SPAG5: variants seen among roughly 807,000 people sequenced by gnomAD.
The protein encoded by SPAG5 is sperm associated antigen 5.
SPAG5 carries 99 observed loss-of-function variants against 145.4 expected under a neutral mutation model. The ratio of observed to expected loss-of-function variants is 0.68; its 90% CI spans 0.58 to 0.80. The LOEUF (loss-of-function observed/expected upper bound fraction) is 0.80. SPAG5 is among the 30% of genes least tolerant of loss of function. The pLI is 0.00. For missense variants in SPAG5, 1,192 were observed against 1,416.0 expected (o/e 0.84, Z 2.54); for synonymous variants, 477 against 525.4 (o/e 0.91, Z 1.26).
chr17:28,587,265 G>T (rs1407961800), intron 4 of SPAG5, among the ~76,000 whole-genome samples: 1 of 139,504 alleles, frequency 7.2e-6, no homozygotes, highest in East Asian at 2.0e-4. Flanking sequence ...AAAAAAAAAA[G>T]GCTGGGCGCG....
In SPAG5 at chr17:28,598,986, T is replaced by C; in HGVS notation, c.-40A>G. ...CAGGCCTATCACGTCTCAGACCAAG[T>C]CGAGGACGCCATGTTCACCCGCCGT... On this transcript the variant is annotated 5_prime_UTR_variant, in exon 1 of 24. Transcript: ENST00000321765. The C allele has an allele frequency of 6.2e-7, 1 of 1,600,808 alleles. No individual in the cohort carries two copies. Among genetic ancestry groups the C allele is most frequent in the South Asian group, 1.1e-5 (1 of 90,832 alleles).
chr17:28,583,719 A>C, intron 14 of SPAG5, 70 bp from the exon 15 acceptor site: 2 of 1,548,400 alleles, frequency 1.3e-6, no homozygotes, highest in Non-Finnish European at 1.7e-6. Flanking sequence ...CCAAATCCCC[A>C]CAGAGCTGCA....
chr17:28,581,739 C>T (rs1484836667), intron 15 of SPAG5, among the ~76,000 whole-genome samples: 2 of 152,186 alleles, frequency 1.3e-5, no homozygotes, highest in Non-Finnish European at 2.9e-5. Context: ...TAGCTCCCCT[C>T]AGTCTCATCT....
chr17:28,591,070 A>G (rs1226275358), intron 4 of SPAG5, among the ~76,000 whole-genome samples: 1 of 152,174 alleles, frequency 6.6e-6, no homozygotes, highest in Non-Finnish European at 1.5e-5. Flanking sequence ...AAAATTAAAA[A>G]TTATTTTAAA....
At chr17:28,596,067 G>A (rs78943617) in intron 2 of SPAG5, among the ~76,000 whole-genome samples, 3,293 of 151,066 alleles carry the variant, frequency 0.022, 106 homozygotes, top group African/African-American at 0.075. Flanking sequence ...TCTGCCAGGC[G>A]TGGTGGCACA....
intron 2 of SPAG5, 75 bp downstream of exon 2, chr17:28,598,435 C>T (rs781207053): frequency 6.6e-7 from 1 of 1,511,504 alleles, no homozygotes. Flanking sequence ...ATTATTGTAG[C>T]CCTGGCCCTC....
At position 28,583,896 on chromosome 17, in the gene SPAG5, T is replaced by G. The variant is rs1179894060; in HGVS notation, c.2503A>C (p.Ser835Arg). 8.7e-6 allele frequency: 14 copies of G among 1,614,208 alleles called. No homozygotes were observed. Among genetic ancestry groups the G allele is most frequent in the Non-Finnish European group, 1.2e-5 (14 of 1,180,022 alleles). Residue 835 changes from serine to arginine, a missense_variant, in exon 14 of 24, where the codon AGC (serine) becomes CGC (arginine). Ser to Arg is a moderately radical substitution (Grantham distance 110, BLOSUM62 -1). Coordinates refer to ENST00000321765, the MANE Select transcript of SPAG5 (RefSeq NM_006461.4). Reference protein sequence around the residue: ...KTTLEVLRERSLQCENLKDTV... With the variant: ...KTTLEVLRERRLQCENLKDTV... ...TCCTTGAGGTTCTCACACTGCAAGC[T>G]GCGCTCCCGGAGCACTTCCAGTGTG...
chr17:28,580,180 G>C, intron 15 of SPAG5, 60 bp from the exon 16 acceptor site: 3 of 1,166,928 alleles, frequency 2.6e-6, no homozygotes, highest in Non-Finnish European at 3.7e-6. Flanking sequence ...TGGGCTTCCA[G>C]GTAACTCCCA....
In SPAG5 at chr17:28,593,083, A is replaced by C. The variant is rs755979286; in HGVS notation, c.178-17T>G. 12 of 1,609,694 alleles carry C rather than the reference A, an allele frequency of 7.5e-6. No homozygotes were observed. Among genetic ancestry groups the C allele is most frequent in the Non-Finnish European group, 1.0e-5 (12 of 1,177,236 alleles). On this transcript the variant is annotated splice_polypyrimidine_tract_variant and intron_variant, in intron 2 of 23. Coordinates refer to ENST00000321765, the MANE Select transcript of SPAG5 (RefSeq NM_006461.4). Reference sequence around the variant, plus strand: ...GCTGCCTTCCTGCCAAAGGAAACAAAAGTAGTTGTCTAAGGCAGTCAATTC... The same window carrying C: ...GCTGCCTTCCTGCCAAAGGAAACAACAGTAGTTGTCTAAGGCAGTCAATTC...
rs1384310995 is a variant in SPAG5 at position 28,586,445 on chromosome 17, G to C, written c.1492C>G (p.Gln498Glu). 6.2e-7 allele frequency: 1 copy of C among 1,613,676 alleles called. No individual in the cohort carries two copies. Among genetic ancestry groups the C allele is most frequent in the East Asian group, 2.2e-5 (1 of 44,888 alleles). The change falls in exon 5 of 24, where the codon CAG becomes GAG. Residue 498 changes from glutamine to glutamate, a missense_variant. Transcript: ENST00000321765. ...CTTACCATGACATTTCTGGCCTGCT[G>C]TAGGGCCTGTCCCATCTCATGGCTC... Reference protein sequence around the residue: ...KESHEMGQALQQARNVMQSWV... With the variant: ...KESHEMGQALEQARNVMQSWV...
intron 7 of SPAG5, 92 bp from the exon 8 acceptor site, chr17:28,585,745 T>C (rs1249193209): frequency 1.2e-6 from 2 of 1,606,686 alleles, no homozygotes; most frequent in African/African-American, 1.3e-5. Context: ...ATCAGTTCTT[T>C]ACTGCCCAGG....
chr17:28,583,198 G>C (rs1054170674), intron 15 of SPAG5, among the ~76,000 whole-genome samples: 2 of 152,128 alleles, frequency 1.3e-5, no homozygotes, highest in Non-Finnish European at 2.9e-5. Context: ...AGGTCGGAAG[G>C]GAGGATTTTA....
Position 28,598,970 on chromosome 17 carries a change from C to T in SPAG5, c.-24G>A, listed in dbSNP as rs1389718226. On this transcript the variant is annotated 5_prime_UTR_variant, in exon 1 of 24. An upstream open reading frame in the 5' UTR loses its in-frame stop. Coordinates refer to ENST00000321765, the MANE Select transcript of SPAG5 (RefSeq NM_006461.4). Reference sequence around the variant, plus strand: ...ATCTTCAACCAGAAGGCAGGCCTATCACGTCTCAGACCAAGTCGAGGACGC... The same window carrying T: ...ATCTTCAACCAGAAGGCAGGCCTATTACGTCTCAGACCAAGTCGAGGACGC... 9 of 1,612,692 alleles carry T rather than the reference C, an allele frequency of 5.6e-6. No individual in the cohort carries two copies. Among genetic ancestry groups the T allele is most frequent in the Non-Finnish European group, 7.6e-6 (9 of 1,178,792 alleles).
intron 15 of SPAG5, 142 bp downstream of exon 15, chr17:28,583,369 G>T: frequency 1.2e-6 from 1 of 865,292 alleles, no homozygotes; most frequent in Non-Finnish European, 1.7e-6. Context: ...GGGAAGAAAG[G>T]TTTGAGCAAC....
At position 28,598,319 on chromosome 17, in the gene SPAG5, T is replaced by G. The variant is rs2070682880; in HGVS notation, c.177+191A>C. On this transcript the variant is annotated intron_variant, in intron 2 of 23. Coordinates refer to ENST00000321765, the MANE Select transcript of SPAG5 (RefSeq NM_006461.4). The stretch of plus-strand genomic sequence containing the variant: ...TAAAAACTAACAGCTAAACAGAGAT[T>G]CAAGTTCTCACTGGATTTCCTTTAA... 3 of 572,510 alleles carry G rather than the reference T, an allele frequency of 5.2e-6. No homozygotes were observed. In the South Asian group the frequency reaches 7.1e-5, roughly 14 times the overall value. 35.5% of individuals were successfully genotyped at this position (572,510 alleles called of 1,614,324 possible). A position where few individuals can be genotyped will look rare whatever the true frequency, so the allele number is the denominator to read the frequency against.
At chr17:28,580,195 TC>T in intron 15 of SPAG5, 75 bp from the exon 16 acceptor site, 1 of 917,622 alleles carries the variant, frequency 1.1e-6, no homozygotes, top group South Asian at 1.7e-5. Flanking sequence ...CTCCCAGCCA[TC>T]TCCTCCAAAA....
At chr17:28,598,871 T>C (rs774816132) in intron 1 of SPAG5, 25 bp downstream of exon 1, 2 of 1,612,538 alleles carry the variant, frequency 1.2e-6, no homozygotes, top group Admixed American at 1.7e-5. Context: ...GGCCCAGTTC[T>C]CTCCGCCAGA....
chr17:28,592,720 G>A lies in SPAG5; in HGVS notation c.524C>T (p.Ala175Val), dbSNP rs149403082. 4.8e-5 allele frequency: 78 copies of A among 1,614,200 alleles called. No individual in the cohort carries two copies. In the African/African-American group the frequency reaches 9.7e-4, roughly 20 times the overall value. The change falls in exon 3 of 24, where the codon GCA (alanine) becomes GTA (valine). Residue 175 changes from alanine to valine, a missense_variant. Physicochemically the swap from Ala to Val is moderately conservative, Grantham distance 64. This residue lies in a region of SPAG5 where 329 missense variants were observed against 354.0 expected (regional missense o/e 0.93). Coordinates refer to ENST00000321765, the MANE Select transcript of SPAG5 (RefSeq NM_006461.4). ...TGAAAACCTGTCTCCCATGCAGGGT[G>A]CCACCTCCTCTCTCACCAGATCGTC... ...RTDDLVREEV[A>V]PCMGDRFSEV...
intron 7 of SPAG5, 31 bp from the exon 8 acceptor site, chr17:28,585,684 TGGGCAACAG>T (rs1567624696): frequency 6.2e-7 from 1 of 1,612,584 alleles, no homozygotes; most frequent in South Asian, 1.1e-5. Context: ...AAGGCCACAG[TGGGCAACAG>T]GGGAGCCAGC....
Sources: allele counts gnomAD v4.1 joint callset (sites outside exome capture counted in the v4.1 genomes callset), GRCh38; gene constraint gnomAD v4.1.1; regional missense constraint gnomAD v4.1.1; transcripts MANE v1.5; gene names NCBI Gene and HGNC (gene_info 2026-07-23, HGNC 2026-07-21).